Variants in MAN1C1 observed in about 807,000 individuals in gnomAD.
The protein encoded by MAN1C1 is mannosyl-oligosaccharide 1,2-alpha-mannosidase IC.
In MAN1C1, 49 loss-of-function variants were observed where a neutral mutation model predicts 71.5. That is an observed-to-expected ratio of 0.69 (90% CI 0.54 to 0.87). The LOEUF is 0.87. Among genes scored for constraint, MAN1C1 ranks in the 40% least tolerant of loss-of-function variants. The pLI, the probability that MAN1C1 is intolerant of heterozygous loss-of-function variation, is 0.00. For missense variants in MAN1C1, 743 were observed against 835.0 expected (o/e 0.89, Z 1.36); for synonymous variants, 352 against 343.7 (o/e 1.02, Z -0.27).
rs186448339 is a variant in MAN1C1, at chr1:25,632,373, G to A, written c.540+14036G>A. Among the ~76,000 whole-genome samples the A allele has an allele frequency of 3.6e-3, 542 of 152,140 alleles. 2 individuals carry two copies. Among genetic ancestry groups the A allele is most frequent in the African/African-American group, 0.013 (522 of 41,500 alleles). ...AATACTTCCAGTTTCATTTCTAATT[G>A]AGCTTAGTTGAATCTTCTTTTTTTC... On this transcript the variant is annotated intron_variant, in intron 1 of 11. Transcript: ENST00000374332.
intron 7 of MAN1C1, among the ~76,000 whole-genome samples, chr1:25,766,353 T>G (rs2047426587): frequency 6.6e-6 from 1 of 152,028 alleles, no homozygotes; most frequent in African/African-American, 2.4e-5. Context: ...TGTTGGTTTT[T>G]TTTTTGGTGC....
At chr1:25,660,483 C>T (rs12734902) in intron 1 of MAN1C1, among the ~76,000 whole-genome samples, 1 of 146,584 alleles carries the variant, frequency 6.8e-6, no homozygotes, top group Non-Finnish European at 1.5e-5. Flanking sequence ...AGCTCCGCCT[C>T]CCAGGTTCAC....
chr1:25,766,364 A>G (rs545814566), intron 7 of MAN1C1, among the ~76,000 whole-genome samples: 1 of 151,166 alleles, frequency 6.6e-6, no homozygotes, highest in African/African-American at 2.4e-5. Flanking sequence ...TTTTTGGTGC[A>G]TACGTATTCT....
In MAN1C1 at chr1:25,711,591, A is replaced by T. The variant is rs1436424172; in HGVS notation, c.637+25055A>T. On this transcript the variant is annotated intron_variant, in intron 2 of 11. Coordinates refer to ENST00000374332, the MANE Select transcript of MAN1C1 (RefSeq NM_020379.4). The surrounding 1 kb of genome is among the most constrained non-coding windows in gnomAD (Gnocchi z 4.3). The stretch of plus-strand genomic sequence containing the variant: ...CTAAAGGACATATTTTTATTGAAGC[A>T]CTCATTCTGCATGTATTGAGCACCA... Among the ~76,000 whole-genome samples, 1 of 152,038 alleles carries T rather than the reference A, an allele frequency of 6.6e-6. No individual in the cohort carries two copies. Among genetic ancestry groups the T allele is most frequent in the Non-Finnish European group, 1.5e-5 (1 of 68,000 alleles).
chr1:25,673,908 A>G lies in MAN1C1; in HGVS notation c.541-12532A>G, dbSNP rs184576432. 3.3e-5 allele frequency among the ~76,000 whole-genome samples: 5 copies of G among 152,380 alleles called. No homozygotes were observed. In the East Asian group the frequency reaches 7.7e-4, roughly 23 times the overall value. On this transcript the variant is annotated intron_variant, in intron 1 of 11. Coordinates refer to ENST00000374332, the MANE Select transcript of MAN1C1 (RefSeq NM_020379.4). ...AAAGCATTTTGGAAATGGTAGAGACACTTGCACATGGGCAGGTTTTGTTGA... is the reference window on the plus strand; with the variant it reads ...AAAGCATTTTGGAAATGGTAGAGACGCTTGCACATGGGCAGGTTTTGTTGA...
rs61554526 is a variant in MAN1C1 at position 25,731,336 on chromosome 1, GTCATCATCA to G, written c.638-15304_638-15296del. Reference sequence around the variant, plus strand: ...AAAAATAACAATAATCATCATCATCGTCATCATCATCATCATCATCATCATCATCATCAT... The same window carrying G: ...AAAAATAACAATAATCATCATCATCGTCATCATCATCATCATCATCATCAT... On this transcript the variant is annotated intron_variant, in intron 2 of 11. Coordinates refer to ENST00000374332, the MANE Select transcript of MAN1C1 (RefSeq NM_020379.4). 4.6e-3 allele frequency among the ~76,000 whole-genome samples: 693 copies of G among 150,644 alleles called. 3 individuals are homozygous for G. The highest frequency in any genetic ancestry group is 0.016 in the African/African-American group (654 of 40,810).
Position 25,780,418 on chromosome 1 carries a change from G to A in MAN1C1, c.1478-522G>A, listed in dbSNP as rs541935999. Among the ~76,000 whole-genome samples, 25 of 152,106 alleles carry A rather than the reference G, an allele frequency of 1.6e-4. No homozygotes were observed. In the Middle Eastern group the frequency reaches 0.01, roughly 62 times the overall value. ...CTACCTCAGCTGTTCCCAAACTCTC[G>A]AAGTTTGTTCTGGGAGGTGTTAAAA... On this transcript the variant is annotated intron_variant, in intron 9 of 11. Transcript: ENST00000374332.
rs1405350841 is a variant in MAN1C1, at chr1:25,617,218, A to T, written c.-580A>T. 1.3e-5 allele frequency among the ~76,000 whole-genome samples: 2 copies of T among 150,858 alleles called. No homozygotes were observed. Among genetic ancestry groups the T allele is most frequent in the African/African-American group, 4.9e-5 (2 of 41,090 alleles). ...GAGAAAGTTGTGGACGTGTCCCGAT[A>T]GTCGAGCCCGGGCGCTGTCGCGACC... is the stretch of plus-strand genomic sequence containing the variant. On this transcript the variant is annotated 5_prime_UTR_variant, in exon 1 of 12. Transcript: ENST00000374332. This position sits in a 1 kb window ranked among gnomAD's most constrained non-coding sequence, Gnocchi z 5.1.
chr1:25,621,684 C>T (rs1572099501), intron 1 of MAN1C1, among the ~76,000 whole-genome samples: 1 of 151,706 alleles, frequency 6.6e-6, no homozygotes, highest in South Asian at 2.1e-4. Context: ...AGTGCAGTGG[C>T]GTGGTCTTGG....
chr1:25,748,315 G>A (rs2047165365), intron 3 of MAN1C1, among the ~76,000 whole-genome samples: 3 of 152,198 alleles, frequency 2.0e-5, no homozygotes, highest in East Asian at 1.9e-4. Flanking sequence ...GAAGGGGAGC[G>A]GTTTTGCAGG....
intron 1 of MAN1C1, among the ~76,000 whole-genome samples, chr1:25,632,489 ATTTCATTTACTTCT>A (rs769044281): frequency 3.0e-4 from 46 of 150,908 alleles, no homozygotes; most frequent in Non-Finnish European, 5.3e-4. Flanking sequence ...TTATGTTTCA[ATTTCATTTACTTCT>A]TCTCTGATCT....
chr1:25,647,647 C>T (rs188051956), intron 1 of MAN1C1, among the ~76,000 whole-genome samples: 35 of 152,230 alleles, frequency 2.3e-4, no homozygotes, highest in Non-Finnish European at 5.9e-5. Flanking sequence ...GGACCCAGTC[C>T]CTTGGAAGCT....
At chr1:25,676,316 G>A (rs2046067459) in intron 1 of MAN1C1, among the ~76,000 whole-genome samples, 1 of 152,070 alleles carries the variant, frequency 6.6e-6, no homozygotes, top group Admixed American at 6.6e-5. Context: ...GTTGGAGGCA[G>A]CATCTCCCCT....
intron 1 of MAN1C1, among the ~76,000 whole-genome samples, chr1:25,653,975 T>G (rs1055040833): frequency 2.6e-5 from 4 of 152,094 alleles, no homozygotes; most frequent in African/African-American, 9.7e-5. Context: ...AACCAAAGGA[T>G]AGCATCCAGG....
intron 4 of MAN1C1, among the ~76,000 whole-genome samples, chr1:25,752,387 G>C (rs1031053514): frequency 1.3e-4 from 20 of 152,014 alleles, no homozygotes; most frequent in Non-Finnish European, 1.5e-4. Flanking sequence ...GGATGGTCTC[G>C]AACTCCTGAC....
intron 2 of MAN1C1, among the ~76,000 whole-genome samples, chr1:25,704,873 G>A (rs1348514118): frequency 2.0e-5 from 3 of 152,350 alleles, no homozygotes; most frequent in South Asian, 4.1e-4. Flanking sequence ...TCCGTGGGAC[G>A]GAGCCATGGA....
chr1:25,733,592 A>C (rs2046939878), intron 2 of MAN1C1, among the ~76,000 whole-genome samples: 1 of 151,550 alleles, frequency 6.6e-6, no homozygotes. Flanking sequence ...TGCATCACAC[A>C]CGTTACATTT....
At chr1:25,748,001 C>A (rs1395073930) in intron 3 of MAN1C1, among the ~76,000 whole-genome samples, 4 of 152,088 alleles carry the variant, frequency 2.6e-5, no homozygotes, top group African/African-American at 9.7e-5. Flanking sequence ...GCCAAGGAAG[C>A]TGAGAATCCC....
chr1:25,682,559 G>A (rs1437312760), intron 1 of MAN1C1, among the ~76,000 whole-genome samples: 1 of 152,162 alleles, frequency 6.6e-6, no homozygotes, highest in African/African-American at 2.4e-5. Context: ...GGCTTAATAG[G>A]TGAGTGCACT....
Sources: gnomAD v4.1 joint callset for allele counts (sites outside exome capture counted in the v4.1 genomes callset) on GRCh38, gnomAD v4.1.1 for gene constraint, Gnocchi (gnomAD v3.1) non-coding constraint, MANE v1.5 for transcripts, NCBI Gene and HGNC (gene_info 2026-07-23, HGNC 2026-07-21) for gene names.